Variants in SYT1 observed in about 807,000 individuals in gnomAD.
SYT1 encodes the protein synaptotagmin-1.
In SYT1, 8 loss-of-function variants were observed where a neutral mutation model predicts 44.8. That is an observed-to-expected ratio of 0.18 (90% confidence interval 0.10 to 0.32). The LOEUF (loss-of-function observed/expected upper bound fraction) is 0.32. Among genes scored for constraint, SYT1 ranks in the 10% least tolerant of loss-of-function variants. The probability of loss-of-function intolerance (pLI) is 1.00; values close to 1 mark genes in which losing one functional copy is unlikely to be tolerated. For missense variants in SYT1, 286 were observed against 509.3 expected (o/e 0.56, Z 4.22); for synonymous variants, 154 against 188.8 (o/e 0.82, Z 1.51).
intron 1 of SYT1, among the ~76,000 whole-genome samples, chr12:78,966,605 C>T (rs1419847745): frequency 6.6e-6 from 1 of 152,152 alleles, no homozygotes; most frequent in African/African-American, 2.4e-5. Flanking sequence ...TTACTTATAT[C>T]AGGTAAGTCA....
chr12:78,936,775 A>C (rs537384105), intron 1 of SYT1, among the ~76,000 whole-genome samples: 1 of 152,300 alleles, frequency 6.6e-6, no homozygotes, highest in South Asian at 2.1e-4. Flanking sequence ...AATAAAAGGC[A>C]GAAATGTTCT....
At chr12:79,046,179 G>T (rs1183413752) in intron 2 of SYT1, 1 of 152,172 alleles carries the variant, frequency 6.6e-6, no homozygotes, top group Middle Eastern at 3.2e-3. Flanking sequence ...AGATCTTGGA[G>T]ATTTAACTGT....
chr12:79,163,392 T>C (rs954520685), intron 3 of SYT1, among the ~76,000 whole-genome samples: 31 of 152,118 alleles, frequency 2.0e-4, no homozygotes, highest in Middle Eastern at 6.3e-3. Flanking sequence ...CATGGCTTCC[T>C]TTCAGGGAAC....
chr12:79,341,180 CTAAT>C (rs771183349), intron 8 of SYT1: 8 of 152,168 alleles, frequency 5.3e-5, no homozygotes, highest in Non-Finnish European at 1.0e-4. Context: ...AAGTGGATCA[CTAAT>C]TATACTTCTG....
At chr12:79,062,346 T>C (rs922506479) in intron 3 of SYT1, among the ~76,000 whole-genome samples, 3 of 152,198 alleles carry the variant, frequency 2.0e-5, no homozygotes, top group African/African-American at 2.4e-5. Context: ...TTTGCCTTCA[T>C]TGACTTTTCA....
At chr12:79,388,230 T>C (rs1565937353) in intron 9 of SYT1, among the ~76,000 whole-genome samples, 1 of 152,204 alleles carries the variant, frequency 6.6e-6, no homozygotes, top group African/African-American at 2.4e-5. Flanking sequence ...ATGTCTACAG[T>C]AGCCTTACAA....
intron 1 of SYT1, among the ~76,000 whole-genome samples, chr12:78,885,299 A>G (rs1181447819): frequency 6.7e-5 from 7 of 104,918 alleles, no homozygotes; most frequent in East Asian, 3.5e-4. Flanking sequence ...GAAGGAGAGA[A>G]GAAAGGAGAG....
chr12:79,235,900 A>T (rs1162025873), intron 4 of SYT1, among the ~76,000 whole-genome samples: 1 of 152,116 alleles, frequency 6.6e-6, no homozygotes, highest in Non-Finnish European at 1.5e-5. Flanking sequence ...CCATATCCAA[A>T]ACTAAATTCA....
rs368212432 is a variant in SYT1, at chr12:79,235,523, C to G, written c.166+17838C>G. Among the ~76,000 whole-genome samples the G allele has an allele frequency of 4.6e-5, 7 of 151,428 alleles. 1 individual carries two copies. Among genetic ancestry groups the G allele is most frequent in the Admixed American group, 3.3e-4 (5 of 15,198 alleles). ...AGTTAGGATTTTTCAAGGAGTCAAGCCTTCTGCTTTGTAAATATACCATTA... is the reference window on the plus strand; with the variant it reads ...AGTTAGGATTTTTCAAGGAGTCAAGGCTTCTGCTTTGTAAATATACCATTA... On this transcript the variant is annotated intron_variant, in intron 4 of 10. Transcript: ENST00000261205.
At chr12:79,200,476 A>C (rs1317196789) in intron 3 of SYT1, among the ~76,000 whole-genome samples, 1 of 152,072 alleles carries the variant, frequency 6.6e-6, no homozygotes, top group Non-Finnish European at 1.5e-5. Context: ...TGTAGGAGCA[A>C]ACAAGAAGCA....
At chr12:79,106,281 T>C (rs1003948219) in intron 3 of SYT1, among the ~76,000 whole-genome samples, 8 of 152,270 alleles carry the variant, frequency 5.3e-5, no homozygotes, top group Non-Finnish European at 7.4e-5. Flanking sequence ...GATATAACCC[T>C]AAGGTCCAAG....
chr12:79,244,942 T>C lies in SYT1; in HGVS notation c.166+27257T>C, dbSNP rs150171861. ...CAAAAACTTCATCTGATGAAGTAGG[T>C]AGCTGTCTTGGCAAGTAAATGCAAT... is the stretch of plus-strand genomic sequence containing the variant. On this transcript the variant is annotated intron_variant, in intron 4 of 10. Coordinates refer to ENST00000261205, the MANE Select transcript of SYT1 (RefSeq NM_005639.3). 3.6e-3 allele frequency among the ~76,000 whole-genome samples: 548 copies of C among 152,178 alleles called. 1 individual carries two copies. The highest frequency in any genetic ancestry group is 6.8e-3 in the Middle Eastern group (2 of 294).
At chr12:79,061,818 T>C (rs992937064) in intron 3 of SYT1, among the ~76,000 whole-genome samples, 2 of 152,230 alleles carry the variant, frequency 1.3e-5, no homozygotes, top group East Asian at 3.9e-4. Flanking sequence ...GTTGAAGCTG[T>C]AATGAGATCA....
At chr12:78,960,605 A>G (rs1879451636) in intron 1 of SYT1, 1 of 152,190 alleles carries the variant, frequency 6.6e-6, no homozygotes, top group Admixed American at 6.6e-5. Context: ...CCAAGTTCAG[A>G]GCGGCACCAT....
At chr12:79,107,052 G>T (rs1172875354) in intron 3 of SYT1, among the ~76,000 whole-genome samples, 1 of 151,712 alleles carries the variant, frequency 6.6e-6, no homozygotes, top group Non-Finnish European at 1.5e-5. Flanking sequence ...AATTATAAAT[G>T]GAATTAAGAA....
intron 4 of SYT1, among the ~76,000 whole-genome samples, chr12:79,268,641 A>G (rs1878258026): frequency 2.0e-5 from 3 of 152,336 alleles, no homozygotes; most frequent in Admixed American, 2.0e-4. Context: ...GTATTTTTGC[A>G]CAGACATATA....
At chr12:79,242,028 G>A (rs1876544505) in intron 4 of SYT1, among the ~76,000 whole-genome samples, 2 of 152,294 alleles carry the variant, frequency 1.3e-5, no homozygotes, top group South Asian at 4.1e-4. Flanking sequence ...GCATGGAACA[G>A]AGTCTCTCTC....
chr12:78,925,786 A>G (rs1247248133), intron 1 of SYT1, among the ~76,000 whole-genome samples: 1 of 151,986 alleles, frequency 6.6e-6, no homozygotes, highest in Non-Finnish European at 1.5e-5. Context: ...TAAGTACTTC[A>G]TACCTTTTTC....
intron 8 of SYT1, among the ~76,000 whole-genome samples, chr12:79,318,973 C>T (rs964219042): frequency 2.0e-5 from 3 of 152,074 alleles, no homozygotes; most frequent in South Asian, 2.1e-4. Context: ...TTGAAATGCC[C>T]GCCTGATATA....
Sources: allele counts gnomAD v4.1 joint callset (sites outside exome capture counted in the v4.1 genomes callset), GRCh38; gene constraint gnomAD v4.1.1; transcripts MANE v1.5; gene names NCBI Gene and HGNC (gene_info 2026-07-23, HGNC 2026-07-21).